The following THBS4 variants were observed in gnomAD, a reference collection of about 807,000 sequenced individuals.
THBS4 encodes the protein thrombospondin-4.
A neutral mutation model predicts 115.7 loss-of-function variants in THBS4; 90 were observed. The ratio of observed to expected loss-of-function variants is 0.78; its 90% CI spans 0.66 to 0.93. THBS4 has a LOEUF of 0.93. THBS4 is among the 40% of genes least tolerant of loss of function. The pLI, the probability that THBS4 is intolerant of heterozygous loss-of-function variation, is 0.00. For missense variants in THBS4, 1,087 were observed against 1,232.7 expected, an observed-to-expected ratio of 0.88 and a Z score of 1.77; for synonymous variants, 460 against 479.3, an observed-to-expected ratio of 0.96 and a Z score of 0.53.
At chr5:80,069,101 C>T (rs556889148) in intron 10 of THBS4, among the ~76,000 whole-genome samples, 2 of 152,360 alleles carry the variant, frequency 1.3e-5, no homozygotes, top group South Asian at 4.1e-4. Context: ...GCCAGGCCCT[C>T]GGCCGGTGGC....
chr5:80,082,365 G>C (rs201677196), intron 20 of THBS4, 41 bp from the exon 21 acceptor site: 2 of 1,609,170 alleles, frequency 1.2e-6, no homozygotes, highest in South Asian at 1.1e-5. Context: ...TTTACCCCGG[G>C]TTGGATTTCA....
At chr5:80,016,811 C>A (rs1354695477) in intron 2 of THBS4, among the ~76,000 whole-genome samples, 4 of 152,158 alleles carry the variant, frequency 2.6e-5, no homozygotes, top group Non-Finnish European at 5.9e-5. Context: ...AAAATTCCAA[C>A]GTTTGATGAA....
intron 19 of THBS4, 51 bp downstream of exon 19, chr5:80,079,309 T>C: frequency 6.6e-7 from 1 of 1,511,376 alleles, no homozygotes. Flanking sequence ...ACCTCTCATC[T>C]TTTTTCAGAT....
Position 80,070,385 on chromosome 5 carries a change from C to T in THBS4, c.1427C>T (p.Pro476Leu), listed in dbSNP as rs751503437. ...DIDSYPDEEL[P>L]CSARNCKKDN... is the part of the protein sequence containing the mutation. ...GACAGTTACCCCGACGAAGAACTGCCATGCTCTGCCAGGAACTGTAAAAAG... is the reference window on the plus strand; with the variant it reads ...GACAGTTACCCCGACGAAGAACTGCTATGCTCTGCCAGGAACTGTAAAAAG... The change falls in exon 11 of 22, where the codon CCA becomes CTA. Residue 476 changes from proline (P) to leucine (L), a missense_variant. By Grantham distance (98) the Pro-to-Leu change is moderately conservative. Transcript: ENST00000350881. 6.2e-6 allele frequency: 10 copies of T among 1,613,916 alleles called. No homozygotes were observed. The South Asian group carries it at 1.1e-4, about 18-fold the overall frequency.
At chr5:80,048,575 A>G (rs1833147989) in intron 2 of THBS4, among the ~76,000 whole-genome samples, 1 of 151,890 alleles carries the variant, frequency 6.6e-6, no homozygotes, top group South Asian at 2.1e-4. Context: ...CTTTTTCAAA[A>G]CACAAAGTCC....
intron 2 of THBS4, among the ~76,000 whole-genome samples, chr5:80,042,518 G>T (rs539925562): frequency 3.0e-4 from 45 of 152,326 alleles, no homozygotes; most frequent in Middle Eastern, 3.4e-3. Context: ...ATTGTGGAAA[G>T]TCTGTTGCTG....
intron 4 of THBS4, 56 bp from the exon 5 acceptor site, chr5:80,058,652 C>T (rs1303960458): frequency 1.3e-6 from 2 of 1,527,604 alleles, no homozygotes; most frequent in Non-Finnish European, 9.1e-7. Context: ...GGTTTTGAGT[C>T]ACTTAGAAAT....
At chr5:80,016,462 C>T (rs923221562) in intron 2 of THBS4, among the ~76,000 whole-genome samples, 1 of 151,898 alleles carries the variant, frequency 6.6e-6, no homozygotes, top group Non-Finnish European at 1.5e-5. Context: ...GATTGGTCTG[C>T]GAAATGGTAT....
At chr5:79,998,648 G>A in intron 2 of THBS4, among the ~76,000 whole-genome samples, 1 of 152,178 alleles carries the variant, frequency 6.6e-6, no homozygotes, top group East Asian at 1.9e-4. Flanking sequence ...TACAGTAGAT[G>A]TTACAATTGG....
At chr5:79,994,927 T>TGAAA (rs1251189131) in intron 1 of THBS4, among the ~76,000 whole-genome samples, 1 of 152,236 alleles carries the variant, frequency 6.6e-6, no homozygotes, top group Non-Finnish European at 1.5e-5. Context: ...AAAGGCCTAA[T>TGAAA]GAAAGAAGAT....
chr5:80,025,241 A>G (rs1206074044), intron 2 of THBS4, among the ~76,000 whole-genome samples: 2 of 152,226 alleles, frequency 1.3e-5, no homozygotes, highest in African/African-American at 4.8e-5. Flanking sequence ...ATGTTTACTT[A>G]TAATAAACAT....
At chr5:80,065,838 A>AC (rs1833800487) in intron 9 of THBS4, among the ~76,000 whole-genome samples, 1 of 152,182 alleles carries the variant, frequency 6.6e-6, no homozygotes, top group Non-Finnish European at 1.5e-5. Flanking sequence ...CACAATCCCC[A>AC]AATGGCATTA....
intron 10 of THBS4, among the ~76,000 whole-genome samples, chr5:80,069,082 T>C (rs1030126457): frequency 6.6e-6 from 1 of 152,202 alleles, no homozygotes; most frequent in African/African-American, 2.4e-5. Flanking sequence ...CCTCTGCACT[T>C]CCTGGGATGC....
Position 80,047,543 on chromosome 5 carries a change from C to T in THBS4, c.292+7263C>T, listed in dbSNP as rs147105057. On this transcript the variant is annotated intron_variant, in intron 2 of 21. Transcript: ENST00000350881. ...GAAAAAAGGGCTAGGTGCCGTGGCT[C>T]ATGCCTGTAATCCCAGCACTTTGGG... Among the ~76,000 whole-genome samples the T allele has an allele frequency of 2.0e-3, 298 of 150,898 alleles. 1 individual carries two copies. Among genetic ancestry groups the T allele is most frequent in the African/African-American group, 7.1e-3 (292 of 41,204 alleles).
chr5:80,079,104 A>C lies in THBS4; in HGVS notation c.2357A>C (p.His786Pro). 6.2e-7 allele frequency: 1 copy of C among 1,614,098 alleles called. No individual in the cohort carries two copies. The highest frequency in any genetic ancestry group is 8.5e-7 in the Non-Finnish European group (1 of 1,179,964). ...FNGVDFEGTF[H>P]VNTQTDDDYA... ...GGAGTTGACTTCGAAGGGACCTTCCATGTGAATACCCAGACAGATGATGAC... is the reference window on the plus strand; with the variant it reads ...GGAGTTGACTTCGAAGGGACCTTCCCTGTGAATACCCAGACAGATGATGAC... The change falls in exon 19 of 22, where the codon CAT becomes CCT. Residue 786 changes from histidine to proline, a missense_variant. Physicochemically the swap from His to Pro is moderately conservative, Grantham distance 77 (BLOSUM62 -2). Transcript: ENST00000350881.
At chr5:80,081,948 G>A (rs1195288760) in intron 20 of THBS4, 6 of 154,460 alleles carry the variant, frequency 3.9e-5, no homozygotes, top group African/African-American at 1.4e-4. Context: ...CTCCTGTGGA[G>A]AATCATTGCT....
At chr5:80,040,325 C>G in intron 2 of THBS4, 45 bp downstream of exon 2, 1 of 1,476,064 alleles carries the variant, frequency 6.8e-7, no homozygotes, top group Non-Finnish European at 9.3e-7. Context: ...TCTCCTTTTT[C>G]TATTCCAGGA....
At chr5:80,030,811 A>G (rs1215480609), upstream of THBS4, among the ~76,000 whole-genome samples, 1 of 152,128 alleles carries the variant, frequency 6.6e-6, no homozygotes, top group African/African-American at 2.4e-5. Context: ...TGGCCCCTTT[A>G]TCCATCTTTT....
At chr5:80,006,674 G>A (rs1580905305) in intron 2 of THBS4, among the ~76,000 whole-genome samples, 1 of 152,268 alleles carries the variant, frequency 6.6e-6, no homozygotes, top group African/African-American at 2.4e-5. Flanking sequence ...AGTCCCACAG[G>A]AGTTAAAATG....
Sources: allele counts gnomAD v4.1 joint callset (sites outside exome capture counted in the v4.1 genomes callset), GRCh38; gene constraint gnomAD v4.1.1; transcripts MANE v1.5; gene names NCBI Gene and HGNC (gene_info 2026-07-23, HGNC 2026-07-21).